Variants in RAB3GAP1 observed in about 807,000 individuals in gnomAD.
RAB3GAP1 encodes the protein rab3 GTPase-activating protein catalytic subunit.
In RAB3GAP1, 86 loss-of-function variants were observed where a neutral mutation model predicts 130.7. The ratio of observed to expected loss-of-function variants is 0.66; its 90% CI spans 0.55 to 0.79. The LOEUF is 0.79. Among genes scored for constraint, RAB3GAP1 ranks in the 30% least tolerant of loss-of-function variants. RAB3GAP1 has a pLI of 0.00. For synonymous variants in RAB3GAP1, 367 were observed against 401.7 expected (o/e 0.91, Z 1.03); for missense variants, 1,029 against 1,169.4 (o/e 0.88, Z 1.75).
At chr2:135,103,069 G>A (rs909557085) in intron 5 of RAB3GAP1, among the ~76,000 whole-genome samples, 4 of 113,106 alleles carry the variant, frequency 3.5e-5, no homozygotes, top group Non-Finnish European at 4.9e-5. Flanking sequence ...ACGGAGTCTC[G>A]CTGTATTGCC....
intron 3 of RAB3GAP1, among the ~76,000 whole-genome samples, chr2:135,065,422 C>T (rs1204594807): frequency 6.6e-6 from 1 of 152,056 alleles, no homozygotes; most frequent in African/African-American, 2.4e-5. Flanking sequence ...TGATTCATTG[C>T]AGAAGCAGAT....
intron 3 of RAB3GAP1, among the ~76,000 whole-genome samples, chr2:135,068,876 T>A (rs1397747730): frequency 8.5e-5 from 13 of 152,222 alleles, no homozygotes; most frequent in Admixed American, 6.5e-5. Flanking sequence ...AAATTAATAC[T>A]CATTTTCATT....
chr2:135,113,327 G>A, intron 6 of RAB3GAP1, 57 bp downstream of exon 6: 2 of 1,583,640 alleles, frequency 1.3e-6, no homozygotes, highest in Non-Finnish European at 1.7e-6. Flanking sequence ...AATAATTTAT[G>A]AAGGCAAACA....
At chr2:135,115,141 T>G (rs572893968) in intron 6 of RAB3GAP1, 75 bp from the exon 7 acceptor site, 1 of 1,415,926 alleles carries the variant, frequency 7.1e-7, no homozygotes, top group Admixed American at 1.8e-5. Flanking sequence ...ATTAAAATAA[T>G]TTGGAAAAAA....
At position 135,169,434 on chromosome 2, in the gene RAB3GAP1, A is replaced by T. The variant is rs1050629254; in HGVS notation, c.*653A>T. 1.1e-5 allele frequency: 2 copies of T among 181,608 alleles called. No individual in the cohort carries two copies. The highest frequency in any genetic ancestry group is 4.8e-5 in the African/African-American group (2 of 41,770). 11.2% of individuals were successfully genotyped at this position (181,608 alleles called of 1,614,324 possible). A position where few individuals can be genotyped will look rare whatever the true frequency, so the allele number is the denominator to read the frequency against. The stretch of plus-strand genomic sequence containing the variant: ...TACTTCTGATAAAACTATATATCAA[A>T]TGTCACTGCAAATTAGTTTTATATC... On this transcript the variant is annotated 3_prime_UTR_variant, in exon 24 of 24. Coordinates refer to ENST00000264158, the MANE Select transcript of RAB3GAP1 (RefSeq NM_012233.3).
At chr2:135,073,236 G>A (rs1040789298) in intron 3 of RAB3GAP1, among the ~76,000 whole-genome samples, 1 of 152,194 alleles carries the variant, frequency 6.6e-6, no homozygotes, top group African/African-American at 2.4e-5. Flanking sequence ...CAGAGAGAGG[G>A]AGTGCATTTG....
downstream of RAB3GAP1, among the ~76,000 whole-genome samples, chr2:135,171,266 C>T (rs779497993): frequency 1.3e-5 from 2 of 151,992 alleles, no homozygotes; most frequent in Non-Finnish European, 2.9e-5. Flanking sequence ...CGGGGGAAGC[C>T]GCAGCTACAA....
chr2:135,114,826 A>T (rs1690919025), intron 6 of RAB3GAP1, among the ~76,000 whole-genome samples: 1 of 152,200 alleles, frequency 6.6e-6, no homozygotes, highest in Non-Finnish European at 1.5e-5. Flanking sequence ...TCTTTAAATG[A>T]TGTGAAAAAT....
chr2:135,099,934 A>G (rs374511376), intron 5 of RAB3GAP1, among the ~76,000 whole-genome samples: 18 of 152,330 alleles, frequency 1.2e-4, no homozygotes, highest in African/African-American at 3.8e-4. Flanking sequence ...TAATCTCATC[A>G]GAAAGATAGG....
chr2:135,082,873 A>G (rs1415655823), intron 3 of RAB3GAP1, among the ~76,000 whole-genome samples: 3 of 152,138 alleles, frequency 2.0e-5, no homozygotes, highest in African/African-American at 4.8e-5. Flanking sequence ...CCATTCCCCT[A>G]TCCCTGTTGT....
intron 7 of RAB3GAP1, among the ~76,000 whole-genome samples, chr2:135,118,500 G>A (rs1276244130): frequency 6.6e-6 from 1 of 152,088 alleles, no homozygotes; most frequent in Non-Finnish European, 1.5e-5. Flanking sequence ...TTCTTGAGAT[G>A]TTCTTTACAT....
intron 5 of RAB3GAP1, among the ~76,000 whole-genome samples, chr2:135,103,034 G>GTTTTTTTTTTTTT (rs1355666279): frequency 2.0e-5 from 2 of 100,476 alleles, no homozygotes; most frequent in Admixed American, 1.0e-4. Flanking sequence ...TCATTTTTGT[G>GTTTTTTTTTTTTT]ATTTTTTTTT....
chr2:135,141,663 T>C (rs1375233964), intron 17 of RAB3GAP1, among the ~76,000 whole-genome samples: 1 of 152,218 alleles, frequency 6.6e-6, no homozygotes, highest in Non-Finnish European at 1.5e-5. Flanking sequence ...GAAGATATTT[T>C]CTTTTCTTTT....
At chr2:135,091,530 G>A (rs1272626442) in intron 4 of RAB3GAP1, among the ~76,000 whole-genome samples, 1 of 152,160 alleles carries the variant, frequency 6.6e-6, no homozygotes, top group Admixed American at 6.5e-5. Flanking sequence ...GTTTGGCTTT[G>A]AAGGATTACA....
intron 3 of RAB3GAP1, among the ~76,000 whole-genome samples, chr2:135,080,417 A>G (rs536321574): frequency 6.6e-6 from 1 of 152,364 alleles, no homozygotes; most frequent in African/African-American, 2.4e-5. Flanking sequence ...AGAAGGTCAG[A>G]TCAGGAAATA....
downstream of RAB3GAP1, among the ~76,000 whole-genome samples, chr2:135,170,862 C>T (rs1296548024): frequency 6.6e-6 from 1 of 152,032 alleles, no homozygotes; most frequent in Non-Finnish European, 1.5e-5. Flanking sequence ...GGCATTCCTC[C>T]AGCCCTGTGT....
At chr2:135,081,138 C>G (rs1689783698) in intron 3 of RAB3GAP1, among the ~76,000 whole-genome samples, 1 of 150,644 alleles carries the variant, frequency 6.6e-6, no homozygotes, top group Non-Finnish European at 1.5e-5. Context: ...AGAAGAATTC[C>G]TTAAAATAGC....
chr2:135,071,532 T>TAAA (rs60734828), intron 3 of RAB3GAP1, among the ~76,000 whole-genome samples: 1,445 of 141,400 alleles, frequency 0.01, 20 homozygotes, highest in African/African-American at 0.035. Flanking sequence ...AGTCGTAGGT[T>TAAA]AAAAAAAAAA....
intron 3 of RAB3GAP1, among the ~76,000 whole-genome samples, chr2:135,070,275 A>G (rs1051217003): frequency 6.6e-6 from 1 of 152,224 alleles, no homozygotes; most frequent in African/African-American, 2.4e-5. Flanking sequence ...CTTTGGCCCA[A>G]ATAAAATCCC....
Sources: allele counts gnomAD v4.1 joint callset (sites outside exome capture counted in the v4.1 genomes callset), GRCh38; gene constraint gnomAD v4.1.1; transcripts MANE v1.5; gene names NCBI Gene and HGNC (gene_info 2026-07-23, HGNC 2026-07-21).